Variants in MED12L observed in about 807,000 individuals in gnomAD.
MED12L encodes the protein mediator of RNA polymerase II transcription subunit 12-like protein.
MED12L carries 60 observed loss-of-function variants against 281.3 expected under a neutral mutation model. The observed-to-expected ratio is 0.21, with a 90% CI of 0.17 to 0.26. The LOEUF (loss-of-function observed/expected upper bound fraction) is 0.26. MED12L is among the 10% of genes least tolerant of loss of function. The pLI is 1.00. For missense variants in MED12L, 2,146 were observed against 2,680.9 expected, an observed-to-expected ratio of 0.80 and a Z score of 4.41; for synonymous variants, 974 against 987.2, an observed-to-expected ratio of 0.99 and a Z score of 0.25.
At chr3:151,141,843 TA>T (rs1240021079) in intron 5 of MED12L, among the ~76,000 whole-genome samples, 1 of 152,222 alleles carries the variant, frequency 6.6e-6, no homozygotes, top group Non-Finnish European at 1.5e-5. Context: ...GTGAATGGTC[TA>T]GTCCCACATT....
intron 16 of MED12L, among the ~76,000 whole-genome samples, chr3:151,278,122 A>G (rs2149597469): frequency 6.6e-6 from 1 of 152,302 alleles, no homozygotes; most frequent in African/African-American, 2.4e-5. Context: ...ATATATTAAT[A>G]TACCAATTAT....
rs1046884112 is a variant in MED12L, at chr3:151,432,963, A to G, written c.*159A>G. ...TCACAAAAAAAAAAAAAGGTGTTTAAACAAAAAGCCAAGGAGAAGTTGTGG... is the reference window on the plus strand; with the variant it reads ...TCACAAAAAAAAAAAAAGGTGTTTAGACAAAAAGCCAAGGAGAAGTTGTGG... On this transcript the variant is annotated 3_prime_UTR_variant, in exon 45 of 45. Transcript: ENST00000687756. 6.9e-6 allele frequency: 4 copies of G among 576,598 alleles called. No individual in the cohort carries two copies. Among genetic ancestry groups the G allele is most frequent in the Non-Finnish European group, 1.2e-5 (4 of 340,298 alleles). 35.7% of individuals were successfully genotyped at this position (576,598 alleles called of 1,614,324 possible).
intron 16 of MED12L, among the ~76,000 whole-genome samples, chr3:151,346,597 A>G (rs1190552085): frequency 6.6e-6 from 1 of 152,010 alleles, no homozygotes; most frequent in Non-Finnish European, 1.5e-5. Context: ...TGTCAGTGAC[A>G]CTCTTTCTTA....
At chr3:151,316,949 G>A (rs1176486195) in intron 16 of MED12L, 1 of 152,132 alleles carries the variant, frequency 6.6e-6, no homozygotes, top group African/African-American at 2.4e-5. Flanking sequence ...AAACACAGAG[G>A]GCTGGAGCTT....
chr3:151,226,387 G>A (rs1205220529), intron 16 of MED12L, among the ~76,000 whole-genome samples: 2 of 152,164 alleles, frequency 1.3e-5, no homozygotes, highest in African/African-American at 4.8e-5. Flanking sequence ...ATGAGTAAAC[G>A]TTTACGTTAC....
intron 16 of MED12L, among the ~76,000 whole-genome samples, chr3:151,249,896 C>A (rs1156518642): frequency 6.6e-6 from 1 of 152,164 alleles, no homozygotes; most frequent in Non-Finnish European, 1.5e-5. Context: ...TTGAATTCAT[C>A]CAGTTTAGGG....
chr3:151,153,567 T>C (rs1718861760), intron 5 of MED12L, among the ~76,000 whole-genome samples: 1 of 138,536 alleles, frequency 7.2e-6, no homozygotes, highest in Non-Finnish European at 1.6e-5. Context: ...TTTCTTTCTT[T>C]TTTTTTTTTT....
At chr3:151,244,236 G>C (rs1376471701) in intron 16 of MED12L, among the ~76,000 whole-genome samples, 1 of 134,846 alleles carries the variant, frequency 7.4e-6, no homozygotes, top group Non-Finnish European at 1.6e-5. Context: ...AGGATACCCA[G>C]GAATTGAACT....
intron 16 of MED12L, among the ~76,000 whole-genome samples, chr3:151,235,243 T>C (rs184428956): frequency 2.2e-4 from 33 of 152,334 alleles, no homozygotes; most frequent in Non-Finnish European, 4.0e-4. Context: ...TTTTCCTCAG[T>C]CTCATTAAAT....
intron 16 of MED12L, among the ~76,000 whole-genome samples, chr3:151,304,992 C>G (rs1746455295): frequency 6.6e-6 from 1 of 152,266 alleles, no homozygotes; most frequent in African/African-American, 2.4e-5. Flanking sequence ...GCTGCCCTCT[C>G]AGGAGTCATT....
chr3:151,378,043 G>A lies in MED12L; in HGVS notation c.4348G>A (p.Ala1450Thr). The A allele has an allele frequency of 6.2e-7, 1 of 1,610,164 alleles. No homozygotes were observed. The highest frequency in any genetic ancestry group is 1.1e-5 in the South Asian group (1 of 90,560). The change falls in exon 31 of 45, where the codon GCC (alanine) becomes ACC (threonine). Residue 1450 changes from alanine to threonine, a missense_variant. Physicochemically the swap from Ala to Thr is moderately conservative, Grantham distance 58. Transcript: ENST00000687756. Reference protein sequence around the residue: ...SSERRGVWLVAPLIARLPTSV... With the variant: ...SSERRGVWLVTPLIARLPTSV... ...CGAACGCAGGGGTGTATGGTTGGTG[G>A]CCCCCCTCATCGCCAGGTTGCCAAC...
chr3:151,342,228 C>G (rs765550037), intron 16 of MED12L, among the ~76,000 whole-genome samples: 2 of 152,302 alleles, frequency 1.3e-5, no homozygotes, highest in Non-Finnish European at 2.9e-5. Context: ...TCCACATCCT[C>G]TCCAACACCT....
At chr3:151,113,986 A>G (rs559283705) in intron 2 of MED12L, among the ~76,000 whole-genome samples, 2 of 152,298 alleles carry the variant, frequency 1.3e-5, no homozygotes, top group South Asian at 4.1e-4. Context: ...TGTTTCTTAT[A>G]ATACTCTGAC....
chr3:151,124,845 C>T (rs754045765), intron 4 of MED12L, among the ~76,000 whole-genome samples: 2 of 152,190 alleles, frequency 1.3e-5, no homozygotes, highest in Admixed American at 6.5e-5. Flanking sequence ...GGATATTCTT[C>T]CAGGTCTTGA....
rs151292810 is a variant in MED12L, at chr3:151,214,291, G to C, written c.2250+20625G>C. The C allele has an allele frequency of 1.6e-3, 2,554 of 1,613,544 alleles. 3 individuals are homozygous for C. The highest frequency in any genetic ancestry group is 2.0e-3 in the Non-Finnish European group (2,371 of 1,179,784). Reference sequence around the variant, plus strand: ...GTTCTGAGAGCAGGATTCATCTGGAGGCTGTGTGGAGGTTGAATTGATCAT... The same window carrying C: ...GTTCTGAGAGCAGGATTCATCTGGACGCTGTGTGGAGGTTGAATTGATCAT... On this transcript the variant is annotated intron_variant, in intron 16 of 44. Transcript: ENST00000687756.
intron 5 of MED12L, among the ~76,000 whole-genome samples, 177 bp downstream of exon 5, chr3:151,128,161 ACT>A (rs1714821221): frequency 6.6e-6 from 1 of 151,866 alleles, no homozygotes. Flanking sequence ...CAGAATCCTG[ACT>A]CCATTAGCAA....
At chr3:151,330,867 CT>C (rs1399397116) in intron 16 of MED12L, among the ~76,000 whole-genome samples, 1 of 152,036 alleles carries the variant, frequency 6.6e-6, no homozygotes, top group Non-Finnish European at 1.5e-5. Context: ...AAATGTATAT[CT>C]TTTTGTTTGC....
chr3:151,201,627 C>T (rs1164245327), intron 16 of MED12L, among the ~76,000 whole-genome samples: 1 of 152,202 alleles, frequency 6.6e-6, no homozygotes, highest in Admixed American at 6.5e-5. Context: ...CCTTACTATT[C>T]CTGAATCCTG....
At chr3:151,335,001 T>C (rs1750797197) in intron 16 of MED12L, among the ~76,000 whole-genome samples, 1 of 152,212 alleles carries the variant, frequency 6.6e-6, no homozygotes, top group South Asian at 2.1e-4. Flanking sequence ...TGAAATTTTA[T>C]TCATTTGATT....
Sources: gnomAD v4.1 joint callset for allele counts (sites outside exome capture counted in the v4.1 genomes callset) on GRCh38, gnomAD v4.1.1 for gene constraint, MANE v1.5 for transcripts, NCBI Gene and HGNC (gene_info 2026-07-23, HGNC 2026-07-21) for gene names.